DYNC2H1: variants seen among roughly 807,000 people sequenced by gnomAD.
DYNC2H1 encodes dynein cytoplasmic 2 heavy chain 1.
DYNC2H1 carries 410 observed loss-of-function variants against 570.0 expected under a neutral mutation model. The ratio of observed to expected loss-of-function variants is 0.72; its 90% CI spans 0.66 to 0.78. The LOEUF (loss-of-function observed/expected upper bound fraction) is 0.78. Among genes scored for constraint, DYNC2H1 ranks in the 30% least tolerant of loss-of-function variants. The pLI, the probability that DYNC2H1 is intolerant of heterozygous loss-of-function variation, is 0.00. For missense variants in DYNC2H1, 4,865 were observed against 5,046.4 expected, an observed-to-expected ratio of 0.96 and a Z score of 1.09; for synonymous variants, 1,688 against 1,677.6, an observed-to-expected ratio of 1.01 and a Z score of -0.15.
chr11:103,168,414 G>A (rs1861426268), intron 31 of DYNC2H1, among the ~76,000 whole-genome samples: 2 of 152,178 alleles, frequency 1.3e-5, no homozygotes, highest in African/African-American at 4.8e-5. Flanking sequence ...ACTCTTTTCA[G>A]AGTTCTAAAT....
chr11:103,129,148 G>A lies in DYNC2H1; in HGVS notation c.1953+143G>A. 1.6e-6 allele frequency: 1 copy of A among 627,938 alleles called. No homozygotes were observed. The highest frequency in any genetic ancestry group is 1.9e-5 in the African/African-American group (1 of 52,646). 38.9% of individuals were successfully genotyped at this position (627,938 alleles called of 1,614,324 possible). On this transcript the variant is annotated intron_variant, in intron 13 of 88. Coordinates refer to ENST00000375735, the MANE Select transcript of DYNC2H1 (RefSeq NM_001377.3). This position sits in a 1 kb window ranked among gnomAD's most constrained non-coding sequence, Gnocchi z 4.1. ...CAGGGACTTCCTTCAATCTTAGCAA[G>A]TAAAATTATTTTTTCTAACTGTAGG...
chr11:103,398,617 G>A (rs1006112234), intron 83 of DYNC2H1, among the ~76,000 whole-genome samples: 3 of 152,176 alleles, frequency 2.0e-5, no homozygotes, highest in African/African-American at 7.2e-5. Flanking sequence ...AGAATACATA[G>A]AGAAAATTAA....
intron 82 of DYNC2H1, among the ~76,000 whole-genome samples, chr11:103,355,049 T>C (rs901314443): frequency 4.6e-5 from 7 of 152,134 alleles, no homozygotes; most frequent in African/African-American, 1.7e-4. Flanking sequence ...CTCCATGTTT[T>C]AAAACTCTTA....
intron 84 of DYNC2H1, among the ~76,000 whole-genome samples, chr11:103,432,933 A>G (rs1279760833): frequency 6.6e-6 from 1 of 152,120 alleles, no homozygotes; most frequent in Non-Finnish European, 1.5e-5. Context: ...GTGCAAATCT[A>G]AGACAACTTT....
chr11:103,331,170 G>T (rs942495328), intron 82 of DYNC2H1, among the ~76,000 whole-genome samples: 1 of 152,168 alleles, frequency 6.6e-6, no homozygotes, highest in Admixed American at 6.5e-5. Context: ...AATTCAGCTA[G>T]AATTCTTAAT....
At position 103,261,969 on chromosome 11, in the gene DYNC2H1, T is replaced by C. The variant is rs1350921297; in HGVS notation, c.10695+1992T>C. Among the ~76,000 whole-genome samples, 4 of 152,094 alleles carry C rather than the reference T, an allele frequency of 2.6e-5. No homozygotes were observed. The highest frequency in any genetic ancestry group is 1.3e-4 in the Admixed American group (2 of 15,262). The stretch of plus-strand genomic sequence containing the variant: ...GAACCTTGAAAAAAGGTTAGAGGAA[T>C]TGCTAACTAGAATAACCAGTTTAGA... On this transcript the variant is annotated intron_variant, in intron 70 of 88. Coordinates refer to ENST00000375735, the MANE Select transcript of DYNC2H1 (RefSeq NM_001377.3). This position sits in a 1 kb window ranked among gnomAD's most constrained non-coding sequence, Gnocchi z 4.8.
chr11:103,195,241 T>C (rs1862472961), intron 47 of DYNC2H1, among the ~76,000 whole-genome samples: 1 of 152,238 alleles, frequency 6.6e-6, no homozygotes, highest in South Asian at 2.1e-4. Flanking sequence ...GGAGTCTGTC[T>C]AGTTGTAGAT....
At chr11:103,259,864 T>C in intron 69 of DYNC2H1, 24 bp from the exon 70 acceptor site, 1 of 1,441,062 alleles carries the variant, frequency 6.9e-7, no homozygotes, top group Non-Finnish European at 9.4e-7. Flanking sequence ...AATTTCCTAA[T>C]GAATTTCCAA....
rs932637701 is a variant in DYNC2H1 at position 103,298,334 on chromosome 11, G to GT, written c.11096-4750dup. ...CTTTTCAGAGAGGTTCTTAAGAGAGGTTTTTTTTTCCTACCCATTTAGTCT... is the reference window on the plus strand; with the variant it reads ...CTTTTCAGAGAGGTTCTTAAGAGAGGTTTTTTTTTTCCTACCCATTTAGTCT... On this transcript the variant is annotated intron_variant, in intron 75 of 88. Transcript: ENST00000375735. 1.1e-4 allele frequency among the ~76,000 whole-genome samples: 16 copies of GT among 151,302 alleles called. No homozygotes were observed. The South Asian group carries it at 1.7e-3, about 16-fold the overall frequency.
At chr11:103,247,838 A>G (rs1864676034) in intron 65 of DYNC2H1, among the ~76,000 whole-genome samples, 1 of 152,014 alleles carries the variant, frequency 6.6e-6, no homozygotes, top group African/African-American at 2.4e-5. Flanking sequence ...GTTGATGGGT[A>G]TAGCATTGCA....
Position 103,239,410 on chromosome 11 carries a change from T to C in DYNC2H1, c.9819+2871T>C, listed in dbSNP as rs10502012. Reference sequence around the variant, plus strand: ...ATCAATACTTGCGTATTACTTACCATGTTGTGCATATATTACTGTTTAAGA... The same window carrying C: ...ATCAATACTTGCGTATTACTTACCACGTTGTGCATATATTACTGTTTAAGA... On this transcript the variant is annotated intron_variant, in intron 63 of 88. Transcript: ENST00000375735. The surrounding 1 kb of genome is among the most constrained non-coding windows in gnomAD (Gnocchi z 4.3). 0.11 allele frequency among the ~76,000 whole-genome samples: 16,371 copies of C among 152,224 alleles called. 1,023 individuals are homozygous for C. The highest frequency in any genetic ancestry group is 0.22 in the East Asian group (1,131 of 5,182).
chr11:103,257,858 A>G (rs1199297998), intron 69 of DYNC2H1, 107 bp downstream of exon 69: 3 of 1,191,760 alleles, frequency 2.5e-6, no homozygotes, highest in Non-Finnish European at 3.2e-6. Flanking sequence ...TCATAGAATT[A>G]TGTTCCAAAA....
Position 103,151,070 on chromosome 11 carries a change from G to A in DYNC2H1, c.2947-1066G>A, listed in dbSNP as rs187079831. Among the ~76,000 whole-genome samples, 1 of 152,208 alleles carries A rather than the reference G, an allele frequency of 6.6e-6. No homozygotes were observed. Among genetic ancestry groups the A allele is most frequent in the East Asian group, 1.9e-4 (1 of 5,180 alleles). On this transcript the variant is annotated intron_variant, in intron 20 of 88. Coordinates refer to ENST00000375735, the MANE Select transcript of DYNC2H1 (RefSeq NM_001377.3). This position sits in a 1 kb window ranked among gnomAD's most constrained non-coding sequence, Gnocchi z 4.6. ...GTATGTGGATTTGAGGGGTAGGACT[G>A]GAGGTAGGTAGACTAGGAAACTATT...
At chr11:103,297,923 C>G (rs1226988842) in intron 75 of DYNC2H1, among the ~76,000 whole-genome samples, 1 of 152,060 alleles carries the variant, frequency 6.6e-6, no homozygotes, top group Non-Finnish European at 1.5e-5. Flanking sequence ...CTTCTCAGAC[C>G]TTTAGGACTT....
At chr11:103,353,347 T>C (rs1310273969) in intron 82 of DYNC2H1, among the ~76,000 whole-genome samples, 1 of 152,220 alleles carries the variant, frequency 6.6e-6, no homozygotes, top group East Asian at 1.9e-4. Context: ...GGATGTATTA[T>C]ATGTCCCTTA....
At chr11:103,213,627 TAA>T (rs11332000) in intron 54 of DYNC2H1, among the ~76,000 whole-genome samples, 85 of 149,920 alleles carry the variant, frequency 5.7e-4, no homozygotes, top group East Asian at 1.8e-3. Context: ...GTGTGTCTTT[TAA>T]AAAAAAAAAA....
intron 83 of DYNC2H1, among the ~76,000 whole-genome samples, chr11:103,374,161 C>T (rs1446530863): frequency 6.6e-6 from 1 of 152,122 alleles, no homozygotes; most frequent in African/African-American, 2.4e-5. Flanking sequence ...TTGACCATGT[C>T]CCCACACAAA....
At position 103,170,984 on chromosome 11, in the gene DYNC2H1, A is replaced by G. The variant is rs760386119; in HGVS notation, c.5250A>G (p.Val1750=). The G allele has an allele frequency of 1.9e-6, 3 of 1,611,818 alleles. No homozygotes were observed. The highest frequency in any genetic ancestry group is 2.5e-6 in the Non-Finnish European group (3 of 1,178,576). ...AATTTAATAGGCTGGAAGAATCTGT[A>G]CTGTCAGCAGTTTCTATGCAAATCC... ...FDEFNRLEES[V]LSAVSMQIQT... Residue 1750 remains valine (V), a synonymous_variant, in exon 34 of 89, where the codon GTA becomes GTG. Transcript: ENST00000375735. This position sits in a 1 kb window ranked among gnomAD's most constrained non-coding sequence, Gnocchi z 4.8.
intron 52 of DYNC2H1, among the ~76,000 whole-genome samples, chr11:103,206,806 C>T (rs914151238): frequency 1.3e-5 from 2 of 152,020 alleles, no homozygotes; most frequent in South Asian, 2.1e-4. Flanking sequence ...TATTGGAATA[C>T]GTTTCAGAAA....
Sources: allele counts gnomAD v4.1 joint callset (sites outside exome capture counted in the v4.1 genomes callset), GRCh38; gene constraint gnomAD v4.1.1; non-coding constraint Gnocchi (gnomAD v3.1); transcripts MANE v1.5; gene names NCBI Gene and HGNC (gene_info 2026-07-23, HGNC 2026-07-21).